GPC3: variants seen among roughly 807,000 people sequenced by gnomAD.
The protein encoded by GPC3 is glypican-3.
GPC3 carries 3 observed loss-of-function variants against 34.4 expected under a neutral mutation model. The ratio of observed to expected loss-of-function variants is 0.09; its 90% CI spans 0.04 to 0.23. The LOEUF (loss-of-function observed/expected upper bound fraction) is 0.23, where lower values mean the gene tolerates loss of function less well. GPC3 is among the 10% of genes least tolerant of loss of function. The probability of loss-of-function intolerance (pLI) is 1.00; values close to 1 mark genes in which losing one functional copy is unlikely to be tolerated. For synonymous variants in GPC3, 177 were observed against 174.0 expected (o/e 1.02, Z -0.13); for missense variants, 351 against 445.6 (o/e 0.79, Z 1.91).
intron 2 of GPC3, among the ~76,000 whole-genome samples, 193 bp from the exon 3 acceptor site, chrX:133,754,369 C>A (rs1008425945): frequency 2.7e-5 from 3 of 111,661 alleles, no homozygotes; most frequent in African/African-American, 9.8e-5. Context: ...ATCAATTTTC[C>A]TTTCTGAACA....
At chrX:133,700,147 C>CT (rs778514867) in intron 3 of GPC3, 119 bp from the exon 4 acceptor site, 7 of 548,662 alleles carry the variant, frequency 1.3e-5, no homozygotes, top group Non-Finnish European at 2.1e-5. Context: ...AAAGCTATGA[C>CT]TAGAGTCAAA....
intron 2 of GPC3, among the ~76,000 whole-genome samples, chrX:133,867,978 C>A (rs752280914): frequency 9.1e-6 from 1 of 109,612 alleles, no homozygotes; most frequent in Admixed American, 9.8e-5. Context: ...CCCGTCCATC[C>A]CACTGAGAGG....
At chrX:133,876,290 T>C (rs1402674047) in intron 2 of GPC3, among the ~76,000 whole-genome samples, 1 of 112,041 alleles carries the variant, frequency 8.9e-6, no homozygotes, top group Non-Finnish European at 1.9e-5. Context: ...TGTTAACACT[T>C]GAAGGGCTTT....
At chrX:133,681,929 G>A (rs1424146573) in intron 5 of GPC3, among the ~76,000 whole-genome samples, 2 of 112,185 alleles carry the variant, frequency 1.8e-5, no homozygotes, top group Non-Finnish European at 1.9e-5. Flanking sequence ...CCAGGGAAAC[G>A]TCAGGACACC....
At chrX:133,611,017 T>C (rs758782485) in intron 6 of GPC3, among the ~76,000 whole-genome samples, 5 of 109,377 alleles carry the variant, frequency 4.6e-5, no homozygotes, top group Non-Finnish European at 9.5e-5. Context: ...TAAATAATGC[T>C]AGATTGCTGC....
chrX:133,807,174 T>A (rs1254397742), intron 2 of GPC3, among the ~76,000 whole-genome samples: 1 of 110,492 alleles, frequency 9.1e-6, no homozygotes, highest in Non-Finnish European at 1.9e-5. Context: ...CATGAATGGC[T>A]TGATCCCATC....
At chrX:133,623,169 A>G (rs2070252803) in intron 6 of GPC3, among the ~76,000 whole-genome samples, 1 of 112,091 alleles carries the variant, frequency 8.9e-6, no homozygotes, top group Admixed American at 9.5e-5. Flanking sequence ...AGCACTAAAC[A>G]TGGAAAGGAA....
intron 6 of GPC3, among the ~76,000 whole-genome samples, chrX:133,597,454 C>T (rs1419638697): frequency 8.9e-6 from 1 of 111,746 alleles, no homozygotes; most frequent in Admixed American, 9.6e-5. Flanking sequence ...TCACCCATTT[C>T]TCATCCTAAA....
At chrX:133,554,804 A>G (rs1451323678) in intron 7 of GPC3, among the ~76,000 whole-genome samples, 1 of 112,003 alleles carries the variant, frequency 8.9e-6, no homozygotes, top group African/African-American at 3.2e-5. Context: ...CAGGAATAAG[A>G]ACCCCTTCCC....
intron 7 of GPC3, among the ~76,000 whole-genome samples, chrX:133,551,716 C>T (rs1462553904): frequency 9.0e-6 from 1 of 111,691 alleles, no homozygotes; most frequent in African/African-American, 3.3e-5. Flanking sequence ...CCAGTATCTC[C>T]TTCTTTAATT....
intron 7 of GPC3, among the ~76,000 whole-genome samples, chrX:133,557,966 A>AT (rs1304465382): frequency 1.3e-4 from 14 of 109,795 alleles, no homozygotes; most frequent in South Asian, 3.9e-4. Flanking sequence ...TTAAATAAAG[A>AT]TTTTTTTTTT....
At chrX:133,892,282 C>G (rs1029672903) in intron 2 of GPC3, among the ~76,000 whole-genome samples, 2 of 111,613 alleles carry the variant, frequency 1.8e-5, no homozygotes, top group Non-Finnish European at 3.8e-5. Flanking sequence ...ATCGACAAAC[C>G]CTTCATTGTA....
In GPC3 at chrX:133,694,240, G is replaced by A. The variant is rs755433309; in HGVS notation, c.1167-1746C>T. On this transcript the variant is annotated intron_variant, in intron 4 of 7. Transcript: ENST00000370818. Reference sequence around the variant, plus strand: ...GGGCTCTCAGCATAGATTCACAAAGGCTTGGGTCACTGCAAAGCCAAGGTG... The same window carrying A: ...GGGCTCTCAGCATAGATTCACAAAGACTTGGGTCACTGCAAAGCCAAGGTG... Among the ~76,000 whole-genome samples the A allele has an allele frequency of 2.8e-4, 31 of 110,868 alleles. No homozygotes were observed. In the South Asian group the frequency reaches 7.1e-3, roughly 25 times the overall value.
At chrX:133,589,530 C>T (rs969662888) in intron 7 of GPC3, among the ~76,000 whole-genome samples, 16 of 110,931 alleles carry the variant, frequency 1.4e-4, no homozygotes, top group African/African-American at 5.3e-4. Flanking sequence ...GCATGCACCA[C>T]CACACCTGGC....
chrX:133,906,894 C>A, intron 2 of GPC3, among the ~76,000 whole-genome samples: 1 of 111,376 alleles, frequency 9.0e-6, no homozygotes. Flanking sequence ...CTGGCTAACA[C>A]GAGACCATCC....
intron 2 of GPC3, among the ~76,000 whole-genome samples, chrX:133,891,589 G>A (rs772180936): frequency 3.4e-4 from 37 of 109,199 alleles, no homozygotes; most frequent in Admixed American, 8.0e-4. Context: ...GCAACTTAGA[G>A]AGACCCTGTT....
At chrX:133,907,118 T>G (rs2076171875) in intron 2 of GPC3, among the ~76,000 whole-genome samples, 1 of 110,682 alleles carries the variant, frequency 9.0e-6, no homozygotes, top group Non-Finnish European at 1.9e-5. Context: ...AAAAAAAAGT[T>G]GTAGTCTTTT....
chrX:133,617,325 C>T (rs1349972350), intron 6 of GPC3, among the ~76,000 whole-genome samples: 3 of 111,919 alleles, frequency 2.7e-5, no homozygotes, highest in African/African-American at 9.7e-5. Flanking sequence ...CTTATCTTTG[C>T]AAAAGACATG....
chrX:133,806,410 C>T (rs1199617753), intron 2 of GPC3, among the ~76,000 whole-genome samples: 1 of 111,410 alleles, frequency 9.0e-6, no homozygotes, highest in Non-Finnish European at 1.9e-5. Flanking sequence ...CAAAGCAGAA[C>T]ACTCTTCATT....
Sources: allele counts gnomAD v4.1 joint callset (sites outside exome capture counted in the v4.1 genomes callset), GRCh38; gene constraint gnomAD v4.1.1; transcripts MANE v1.5; gene names NCBI Gene and HGNC (gene_info 2026-07-23, HGNC 2026-07-21).